Variants in C1QTNF1 observed in about 807,000 individuals in gnomAD.
C1QTNF1 encodes the protein complement C1q tumor necrosis factor-related protein 1.
In C1QTNF1, 22 loss-of-function variants were observed where a neutral mutation model predicts 27.8. The observed-to-expected ratio is 0.79, with a 90% CI of 0.56 to 1.13. The LOEUF is 1.13. Ranked by LOEUF, C1QTNF1 falls within the 50% of genes most tolerant of loss-of-function variation. The probability of loss-of-function intolerance (pLI) is 0.00; values close to 1 mark genes in which losing one functional copy is unlikely to be tolerated. For synonymous variants in C1QTNF1, 166 were observed against 154.3 expected, an observed-to-expected ratio of 1.08 and a Z score of -0.56; for missense variants, 373 against 380.2, an observed-to-expected ratio of 0.98 and a Z score of 0.16.
intron 3 of C1QTNF1, chr17:79,047,238 C>CTTT (rs372840829): frequency 0.034 from 9,267 of 276,574 alleles, 183 homozygotes; most frequent in African/African-American, 0.073. Context: ...TTTTTCTTTT[C>CTTT]TTTTTTTTTT....
chr17:79,043,764 G>A (rs1164025302), intron 1 of C1QTNF1, 191 bp from the exon 2 acceptor site: 12 of 697,972 alleles, frequency 1.7e-5, no homozygotes, highest in African/African-American at 5.3e-5. Context: ...TCGTGAGTGC[G>A]TGTATGCATG....
rs774920074 is a variant in C1QTNF1, at chr17:79,047,534, T to C, written c.296-4T>C. The C allele has an allele frequency of 6.6e-7, 1 of 1,521,254 alleles. No homozygotes were observed. The highest frequency in any genetic ancestry group is 1.3e-5 in the South Asian group (1 of 75,478). The allele number at this position is 1,521,254 out of a possible 1,614,324, so 94.2% of individuals were successfully genotyped here. ...AACAGCACGCGTTTTCCCATCCCTTTTAGGGGAGAAGGGTGACCGCGGAGA... is the reference window on the plus strand; with the variant it reads ...AACAGCACGCGTTTTCCCATCCCTTCTAGGGGAGAAGGGTGACCGCGGAGA... On this transcript the variant is annotated splice_region_variant and splice_polypyrimidine_tract_variant and intron_variant, in intron 3 of 3. Coordinates refer to ENST00000579760, the MANE Select transcript of C1QTNF1 (RefSeq NM_030968.5).
chr17:79,030,469 TTCTTTCTTTCTTTCTTTTTCTTTCTTTC>T (rs2072098192), intron 1 of C1QTNF1, among the ~76,000 whole-genome samples: 10 of 117,682 alleles, frequency 8.5e-5, no homozygotes, highest in Admixed American at 7.8e-4. Flanking sequence ...TTTTCTTTCT[TTCTTTCTTTCTTTCTTTTTCTTTCTTTC>T]TTTCTTTCTT....
intron 2 of C1QTNF1, among the ~76,000 whole-genome samples, chr17:79,045,612 A>C (rs1290416793): frequency 6.6e-6 from 1 of 151,878 alleles, no homozygotes; most frequent in Non-Finnish European, 1.5e-5. Flanking sequence ...TGGCGGAGGG[A>C]GTCGGGGGTG....
upstream of C1QTNF1, among the ~76,000 whole-genome samples, chr17:79,023,693 T>TGA (rs2071831755): frequency 3.7e-5 from 5 of 136,228 alleles, no homozygotes; most frequent in South Asian, 7.4e-4. Flanking sequence ...CCAAAGGTGA[T>TGA]GCGCGCGCGC....
chr17:79,043,242 T>C (rs912710857), intron 1 of C1QTNF1: 16 of 446,134 alleles, frequency 3.6e-5, no homozygotes, highest in African/African-American at 2.8e-4. Flanking sequence ...GCATGTGATA[T>C]GGGTATATGT....
chr17:79,047,732 A>G lies in C1QTNF1; in HGVS notation c.490A>G (p.Thr164Ala). ...CATGCACAGCAACCACTACTACCAG[A>G]CGGTGATCTTCGACACGGAGTTCGT... Reference protein sequence around the residue: ...KPMHSNHYYQTVIFDTEFVNL... With the variant: ...KPMHSNHYYQAVIFDTEFVNL... The change falls in exon 4 of 4, where the codon ACG becomes GCG. Residue 164 changes from threonine to alanine, a missense_variant. Transcript: ENST00000579760. The G allele has an allele frequency of 6.2e-7, 1 of 1,614,080 alleles. No homozygotes were observed. The highest frequency in any genetic ancestry group is 8.5e-7 in the Non-Finnish European group (1 of 1,180,000).
intron 1 of C1QTNF1, among the ~76,000 whole-genome samples, chr17:79,028,389 G>A (rs771898971): frequency 1.3e-5 from 2 of 152,210 alleles, no homozygotes; most frequent in East Asian, 1.9e-4. Flanking sequence ...GGGTGGGTTC[G>A]AGGCAGATGT....
chr17:79,030,347 A>G (rs997598200), intron 1 of C1QTNF1, among the ~76,000 whole-genome samples: 21 of 125,838 alleles, frequency 1.7e-4, no homozygotes, highest in African/African-American at 3.1e-4. Context: ...GTGTGTGTGT[A>G]TGTGTATGTG....
intron 1 of C1QTNF1, among the ~76,000 whole-genome samples, chr17:79,027,083 G>C (rs962563338): frequency 3.4e-5 from 3 of 88,950 alleles, no homozygotes; most frequent in African/African-American, 1.4e-4. Flanking sequence ...TTCCTGGGCG[G>C]GGGGGGGCTG....
At chr17:79,047,460 A>ATT in intron 3 of C1QTNF1, 78 bp from the exon 4 acceptor site, 2 of 1,378,810 alleles carry the variant, frequency 1.5e-6, no homozygotes, top group Admixed American at 4.6e-5. Flanking sequence ...AGCGCCAGGG[A>ATT]CCGGAGAGTG....
chr17:79,040,293 T>G (rs1209948397), intron 1 of C1QTNF1, among the ~76,000 whole-genome samples: 1 of 151,776 alleles, frequency 6.6e-6, no homozygotes, highest in Non-Finnish European at 1.5e-5. Flanking sequence ...AACCGTGTCT[T>G]TACGAAAAAA....
Position 79,040,730 on chromosome 17 carries a change from CAAAAAA to C in C1QTNF1, c.-14-3206_-14-3201del, listed in dbSNP as rs60302649. Among the ~76,000 whole-genome samples, 7 of 56,946 alleles carry C rather than the reference CAAAAAA, an allele frequency of 1.2e-4. No homozygotes were observed. The East Asian group carries it at 3.7e-3, about 30-fold the overall frequency. The allele number at this position is 56,946 out of a possible 152,430, so 37.4% of individuals were successfully genotyped here. ...GCAACATGGTGAAAATTTGTCTCTA[CAAAAAA>C]AAAAAAAAAAAAAAAAAATTAGCTG... On this transcript the variant is annotated intron_variant, in intron 1 of 3. Coordinates refer to ENST00000579760, the MANE Select transcript of C1QTNF1 (RefSeq NM_030968.5).
At chr17:79,026,050 A>G (rs1012186466) in intron 1 of C1QTNF1, 1 of 200,580 alleles carries the variant, frequency 5.0e-6, no homozygotes, top group African/African-American at 2.4e-5. Flanking sequence ...ACTTGTGGAA[A>G]GAGCAGAGCT....
intron 1 of C1QTNF1, among the ~76,000 whole-genome samples, chr17:79,041,273 C>G (rs1312144550): frequency 6.6e-6 from 1 of 152,110 alleles, no homozygotes; most frequent in African/African-American, 2.4e-5. Flanking sequence ...TCCAGCTAAG[C>G]CACTGCAGAG....
chr17:79,032,659 G>A (rs1038208215), intron 1 of C1QTNF1, among the ~76,000 whole-genome samples: 1 of 152,160 alleles, frequency 6.6e-6, no homozygotes, highest in Non-Finnish European at 1.5e-5. Flanking sequence ...CTTCTGGCCC[G>A]GGACCCCGCG....
chr17:79,043,269 G>A (rs2072467600), intron 1 of C1QTNF1: 16 of 448,674 alleles, frequency 3.6e-5, no homozygotes, highest in South Asian at 2.0e-4. Flanking sequence ...GTGTGTGCAT[G>A]TGTGTTGAGA....
chr17:79,046,538 A>G lies in C1QTNF1; in HGVS notation c.156-17A>G, dbSNP rs546715848. ...CTGAGAGTGGCTGACTTTCACTGTG[A>G]TTCTTTATTCCCTCAGGGCTGAAGA... is the stretch of plus-strand genomic sequence containing the variant. On this transcript the variant is annotated splice_polypyrimidine_tract_variant and intron_variant, in intron 2 of 3. Coordinates refer to ENST00000579760, the MANE Select transcript of C1QTNF1 (RefSeq NM_030968.5). The surrounding 1 kb of genome is among the most constrained non-coding windows in gnomAD (Gnocchi z 4.8). 5 of 1,614,004 alleles carry G rather than the reference A, an allele frequency of 3.1e-6. No individual in the cohort carries two copies. In the African/African-American group the frequency reaches 6.7e-5, roughly 22 times the overall value.
intron 1 of C1QTNF1, chr17:79,043,469 T>A: frequency 2.2e-6 from 1 of 453,208 alleles, no homozygotes; most frequent in Non-Finnish European, 4.4e-6. Context: ...GTTAAGAGTG[T>A]GCATATGGGT....
Sources: gnomAD v4.1 joint callset for allele counts (sites outside exome capture counted in the v4.1 genomes callset) on GRCh38, gnomAD v4.1.1 for gene constraint, Gnocchi (gnomAD v3.1) non-coding constraint, MANE v1.5 for transcripts, NCBI Gene and HGNC (gene_info 2026-07-23, HGNC 2026-07-21) for gene names.